Variants in LRRC4C observed in about 807,000 individuals in gnomAD.
LRRC4C encodes leucine rich repeat containing 4C.
In LRRC4C, 5 loss-of-function variants were observed where a neutral mutation model predicts 33.6. That is an observed-to-expected ratio of 0.15 (90% CI 0.08 to 0.31). The LOEUF (loss-of-function observed/expected upper bound fraction) is 0.31, where lower values mean the gene tolerates loss of function less well. Among genes scored for constraint, LRRC4C ranks in the 10% least tolerant of loss-of-function variants. LRRC4C has a pLI of 1.00. For missense variants in LRRC4C, 560 were observed against 796.7 expected (o/e 0.70, Z 3.58); for synonymous variants, 329 against 302.0 (o/e 1.09, Z -0.93).
chr11:40,585,557 G>A (rs1421159251), intron 3 of LRRC4C, among the ~76,000 whole-genome samples: 6 of 147,774 alleles, frequency 4.1e-5, no homozygotes, highest in South Asian at 2.3e-4. Flanking sequence ...GTGCCATGCT[G>A]GTGCGCTGCA....
At chr11:41,279,428 A>ACACC (rs58139193) in intron 1 of LRRC4C, among the ~76,000 whole-genome samples, 2,012 of 140,836 alleles carry the variant, frequency 0.014, 51 homozygotes, top group African/African-American at 0.044. Flanking sequence ...ACACACACAC[A>ACACC]CCGTGGCAAT....
At chr11:41,156,578 T>C (rs1376624474) in intron 1 of LRRC4C, among the ~76,000 whole-genome samples, 1 of 152,062 alleles carries the variant, frequency 6.6e-6, no homozygotes. Context: ...ACTGAAGATA[T>C]ATCAATGAAC....
chr11:40,296,802 A>C (rs1481376655), intron 4 of LRRC4C, among the ~76,000 whole-genome samples: 1 of 152,212 alleles, frequency 6.6e-6, no homozygotes, highest in Non-Finnish European at 1.5e-5. Context: ...TGTTCAAGTA[A>C]AAATTTCTAT....
At chr11:41,211,473 T>C (rs1052604121) in intron 1 of LRRC4C, among the ~76,000 whole-genome samples, 4 of 151,980 alleles carry the variant, frequency 2.6e-5, no homozygotes, top group African/African-American at 9.7e-5. Flanking sequence ...ATGCTATCCC[T>C]CCCCCTGCCC....
intron 3 of LRRC4C, among the ~76,000 whole-genome samples, chr11:40,534,061 A>T (rs966723432): frequency 1.1e-4 from 17 of 152,162 alleles, no homozygotes; most frequent in African/African-American, 3.9e-4. Flanking sequence ...GATGCAAATC[A>T]TGGTTCCACC....
At chr11:40,919,719 TTG>T (rs1260404338) in intron 2 of LRRC4C, among the ~76,000 whole-genome samples, 1 of 152,126 alleles carries the variant, frequency 6.6e-6, no homozygotes, top group East Asian at 1.9e-4. Context: ...ATTAACAAGT[TTG>T]TGTAGGATTA....
At chr11:40,622,806 C>T (rs899044220) in intron 3 of LRRC4C, among the ~76,000 whole-genome samples, 5 of 151,810 alleles carry the variant, frequency 3.3e-5, no homozygotes, top group African/African-American at 1.2e-4. Context: ...TATCATAGAA[C>T]ACTTGGAATG....
At chr11:40,619,464 A>G (rs1591293704) in intron 3 of LRRC4C, among the ~76,000 whole-genome samples, 1 of 151,770 alleles carries the variant, frequency 6.6e-6, no homozygotes, top group South Asian at 2.1e-4. Context: ...AATAAAGAAG[A>G]CTGAACAGAT....
At chr11:41,063,348 G>A (rs796159533) in intron 1 of LRRC4C, among the ~76,000 whole-genome samples, 7 of 152,318 alleles carry the variant, frequency 4.6e-5, no homozygotes, top group South Asian at 2.1e-4. Context: ...GTTTCAAAAT[G>A]TAGCTGGGTG....
chr11:40,482,744 T>G (rs922735924), intron 3 of LRRC4C, among the ~76,000 whole-genome samples: 6 of 152,116 alleles, frequency 3.9e-5, no homozygotes, highest in Non-Finnish European at 8.8e-5. Context: ...GAGCTGGGAT[T>G]ACAGGTATGA....
chr11:40,923,993 T>C (rs1016355704), intron 2 of LRRC4C, among the ~76,000 whole-genome samples: 1 of 151,672 alleles, frequency 6.6e-6, no homozygotes, highest in African/African-American at 2.4e-5. Flanking sequence ...AGAAAGTAAT[T>C]AGCTTACAAT....
intron 1 of LRRC4C, among the ~76,000 whole-genome samples, chr11:41,435,826 T>C (rs1166305153): frequency 6.6e-6 from 1 of 152,332 alleles, no homozygotes; most frequent in African/African-American, 2.4e-5. Flanking sequence ...TTGAATTGAA[T>C]ACAATTAAAC....
intron 4 of LRRC4C, among the ~76,000 whole-genome samples, chr11:40,246,730 T>C (rs2136140601): frequency 6.6e-6 from 1 of 152,296 alleles, no homozygotes; most frequent in South Asian, 2.1e-4. Context: ...TTCATCTTTC[T>C]TAGATTATAA....
chr11:41,044,238 A>G (rs1324064105), intron 1 of LRRC4C, among the ~76,000 whole-genome samples: 1 of 152,134 alleles, frequency 6.6e-6, no homozygotes, highest in Non-Finnish European at 1.5e-5. Context: ...AATAGAAGGA[A>G]AACTTCGAAC....
At chr11:41,098,099 C>T (rs1940932491) in intron 1 of LRRC4C, among the ~76,000 whole-genome samples, 1 of 152,064 alleles carries the variant, frequency 6.6e-6, no homozygotes, top group African/African-American at 2.4e-5. Context: ...AATAACATGA[C>T]TCACCCCTGG....
intron 1 of LRRC4C, among the ~76,000 whole-genome samples, chr11:41,137,074 C>A (rs971029670): frequency 3.9e-5 from 6 of 151,960 alleles, no homozygotes; most frequent in Admixed American, 1.3e-4. Context: ...ATGGCGAAAC[C>A]CTGACCCTAG....
chr11:40,915,437 A>C (rs1390295036), intron 2 of LRRC4C, among the ~76,000 whole-genome samples: 1 of 152,146 alleles, frequency 6.6e-6, no homozygotes, highest in Non-Finnish European at 1.5e-5. Flanking sequence ...CAAAAACAAG[A>C]AATGAGAAAA....
At chr11:41,277,757 T>G (rs1160558488) in intron 1 of LRRC4C, among the ~76,000 whole-genome samples, 2 of 152,174 alleles carry the variant, frequency 1.3e-5, no homozygotes, top group African/African-American at 4.8e-5. Flanking sequence ...GAAATTTGAC[T>G]AACATTGTCT....
At chr11:40,940,529 T>C (rs971699136) in intron 1 of LRRC4C, among the ~76,000 whole-genome samples, 1 of 152,184 alleles carries the variant, frequency 6.6e-6, no homozygotes, top group Non-Finnish European at 1.5e-5. Flanking sequence ...GTCAGTAACT[T>C]ACTTCAGATC....
Sources: allele counts gnomAD v4.1 joint callset (sites outside exome capture counted in the v4.1 genomes callset), GRCh38; gene constraint gnomAD v4.1.1; transcripts MANE v1.5; gene names NCBI Gene and HGNC (gene_info 2026-07-23, HGNC 2026-07-21).